The following ETNK2 variants were observed in gnomAD, a reference collection of about 807,000 sequenced individuals.
ETNK2 encodes the protein ethanolamine kinase 2.
ETNK2 carries 33 observed loss-of-function variants against 46.2 expected under a neutral mutation model. The observed-to-expected ratio is 0.71, with a 90% CI of 0.54 to 0.96. The LOEUF is 0.96. Among genes scored for constraint, ETNK2 ranks in the 40% least tolerant of loss-of-function variants. The probability of loss-of-function intolerance (pLI) is 0.00; values close to 1 mark genes in which losing one functional copy is unlikely to be tolerated. For synonymous variants in ETNK2, 194 were observed against 209.0 expected (o/e 0.93, Z 0.62); for missense variants, 445 against 509.7 (o/e 0.87, Z 1.22).
chr1:204,133,040 A>G (rs1657132855), intron 7 of ETNK2, among the ~76,000 whole-genome samples: 1 of 152,136 alleles, frequency 6.6e-6, no homozygotes, highest in Non-Finnish European at 1.5e-5. Flanking sequence ...TGGCTTATTT[A>G]GCGTAATGTC....
intron 6 of ETNK2, 109 bp downstream of exon 6, chr1:204,136,995 C>T (rs747113571): frequency 6.8e-5 from 98 of 1,445,650 alleles, no homozygotes; most frequent in Middle Eastern, 1.9e-4. Flanking sequence ...GGATGGGTGT[C>T]CCCAGGCTCT....
chr1:204,150,411 C>T (rs565423375), intron 1 of ETNK2: 33 of 204,584 alleles, frequency 1.6e-4, no homozygotes, highest in Non-Finnish European at 3.1e-4. Context: ...GTGCTCTGCT[C>T]TACCCCTTGC....
At chr1:204,133,001 T>C (rs1471537306) in intron 7 of ETNK2, among the ~76,000 whole-genome samples, 1 of 152,218 alleles carries the variant, frequency 6.6e-6, no homozygotes. Flanking sequence ...TAGTTATCTC[T>C]TAAAGAACCA....
intron 7 of ETNK2, among the ~76,000 whole-genome samples, chr1:204,133,295 C>A (rs1657142192): frequency 2.0e-5 from 3 of 151,922 alleles, no homozygotes; most frequent in Non-Finnish European, 4.4e-5. Flanking sequence ...TTGGATCATA[C>A]GGTAGTTACA....
chr1:204,133,480 GCTT>G (rs1257493661), intron 7 of ETNK2, among the ~76,000 whole-genome samples: 3 of 143,506 alleles, frequency 2.1e-5, no homozygotes, highest in African/African-American at 7.7e-5. Context: ...ACCATGCTTT[GCTT>G]TTTTTTTTAA....
Position 204,140,130 on chromosome 1 carries a change from A to G in ETNK2, c.785-12T>C. ...GAACCGCACGTGACCTATGAAGTAG[A>G]GGAGAATCGATGAGAGTTGGCCCAG... is the stretch of plus-strand genomic sequence containing the variant. On this transcript the variant is annotated splice_polypyrimidine_tract_variant and intron_variant, in intron 4 of 7. Coordinates refer to ENST00000367202, the MANE Select transcript of ETNK2 (RefSeq NM_018208.4). 3 of 1,611,090 alleles carry G rather than the reference A, an allele frequency of 1.9e-6. No homozygotes were observed. In the South Asian group the frequency reaches 3.3e-5, roughly 18 times the overall value.
intron 6 of ETNK2, among the ~76,000 whole-genome samples, chr1:204,136,192 T>C (rs1386081566): frequency 1.3e-5 from 2 of 152,012 alleles, no homozygotes; most frequent in African/African-American, 4.8e-5. Flanking sequence ...GGCCAGGAGT[T>C]AGAGACCAGC....
Position 204,149,733 on chromosome 1 carries a change from G to T in ETNK2, c.488C>A (p.Pro163His). The change falls in exon 2 of 8, where the codon CCT becomes CAT. Residue 163 changes from proline (P) to histidine (H), a missense_variant. By Grantham distance (77) the Pro-to-His change is moderately conservative. Coordinates refer to ENST00000367202, the MANE Select transcript of ETNK2 (RefSeq NM_018208.4). Reference sequence around the variant, plus strand: ...AAGCCGGGGCTCACGGATGTGCTCAGGCTCCAGGGCCACACCCTGCATGTA... The same window carrying T: ...AAGCCGGGGCTCACGGATGTGCTCATGCTCCAGGGCCACACCCTGCATGTA... ...YEYMQGVALEPEHIREPRLFR... is the reference protein window; with the variant it reads ...YEYMQGVALEHEHIREPRLFR... The T allele has an allele frequency of 6.3e-7, 1 of 1,598,052 alleles. No individual in the cohort carries two copies. Among genetic ancestry groups the T allele is most frequent in the Non-Finnish European group, 8.5e-7 (1 of 1,172,868 alleles).
In ETNK2 at chr1:204,132,191, G is replaced by C; in HGVS notation, c.1154C>G (p.Pro385Arg). 2 of 1,571,400 alleles carry C rather than the reference G, an allele frequency of 1.3e-6. No homozygotes were observed. The highest frequency in any genetic ancestry group is 2.3e-5 in the East Asian group (1 of 42,694). ...VKPQASALEM[P>R]K The stretch of plus-strand genomic sequence containing the variant: ...GAGGGATGGGGTGGCTGGTCACTTT[G>C]GCATCTCCAAGGCTGACGCTTGAGG... The change falls in exon 8 of 8, where the codon CCA becomes CGA. Residue 385 changes from proline to arginine, a missense_variant. Transcript: ENST00000367202.
At chr1:204,137,327 C>A in intron 5 of ETNK2, 78 bp from the exon 6 acceptor site, 1 of 1,507,240 alleles carries the variant, frequency 6.6e-7, no homozygotes, top group Non-Finnish European at 8.9e-7. Context: ...TAGGTGTTCC[C>A]ATCTCCCCTC....
intron 3 of ETNK2, 139 bp from the exon 4 acceptor site, chr1:204,141,596 C>G: frequency 1.1e-6 from 1 of 889,388 alleles, no homozygotes; most frequent in African/African-American, 1.7e-5. Flanking sequence ...ATCTCTTAGA[C>G]CCTCACTTTT....
chr1:204,136,669 C>T (rs553072637), intron 6 of ETNK2, among the ~76,000 whole-genome samples: 71 of 148,066 alleles, frequency 4.8e-4, no homozygotes, highest in African/African-American at 1.7e-3. Flanking sequence ...GCCGAGATAG[C>T]GCCATTGCAC....
intron 5 of ETNK2, chr1:204,138,760 C>T (rs1282771658): frequency 6.6e-6 from 1 of 152,226 alleles, no homozygotes; most frequent in East Asian, 1.9e-4. Context: ...GGGGACAGCT[C>T]TCCAGCCCCA....
intron 7 of ETNK2, 99 bp downstream of exon 7, chr1:204,134,416 G>A (rs762317393): frequency 4.4e-5 from 59 of 1,350,284 alleles, no homozygotes; most frequent in Admixed American, 1.2e-4. Context: ...GCAGGGGAGC[G>A]GACTCTGGGC....
intron 3 of ETNK2, among the ~76,000 whole-genome samples, chr1:204,143,980 G>A (rs954244672): frequency 1.3e-5 from 2 of 152,034 alleles, no homozygotes; most frequent in Non-Finnish European, 2.9e-5. Flanking sequence ...CTCTCCACCC[G>A]CCACCTCAAG....
chr1:204,149,983 TGC>T, intron 1 of ETNK2, 21 bp from the exon 2 acceptor site: 3 of 133,054 alleles, frequency 2.3e-5, no homozygotes, highest in Admixed American at 9.7e-5. Context: ...GAGAGGACAG[TGC>T]GTGGGTGGGT....
intron 3 of ETNK2, among the ~76,000 whole-genome samples, chr1:204,145,439 A>G (rs1657743328): frequency 6.6e-6 from 1 of 152,266 alleles, no homozygotes; most frequent in East Asian, 1.9e-4. Flanking sequence ...CACTTGTCAA[A>G]TAACAGCTGT....
At chr1:204,145,386 C>T (rs1158715584) in intron 3 of ETNK2, among the ~76,000 whole-genome samples, 2 of 152,380 alleles carry the variant, frequency 1.3e-5, no homozygotes, top group South Asian at 2.1e-4. Context: ...CACTGATCAG[C>T]GACCTTGGGC....
chr1:204,146,840 T>C (rs1483925249), intron 2 of ETNK2, 76 bp from the exon 3 acceptor site: 2 of 1,569,738 alleles, frequency 1.3e-6, no homozygotes, highest in Non-Finnish European at 1.7e-6. Context: ...CCTGGCCAGA[T>C]AGGGACCCTC....
Sources: allele counts gnomAD v4.1 joint callset (sites outside exome capture counted in the v4.1 genomes callset), GRCh38; gene constraint gnomAD v4.1.1; transcripts MANE v1.5; gene names NCBI Gene and HGNC (gene_info 2026-07-23, HGNC 2026-07-21).